Variants in PPFIBP1 observed in about 807,000 individuals in gnomAD.
The protein encoded by PPFIBP1 is PPFIB scaffold protein 1, also known as liprin-beta-1.
Under a neutral mutation model 137.8 loss-of-function variants are expected in PPFIBP1, and 112 were observed. The ratio of observed to expected loss-of-function variants is 0.81; its 90% CI spans 0.70 to 0.95. The LOEUF (loss-of-function observed/expected upper bound fraction) is 0.95. Among genes scored for constraint, PPFIBP1 ranks in the 40% least tolerant of loss-of-function variants. The pLI is 0.00. For missense variants in PPFIBP1, 1,083 were observed against 1,196.6 expected (o/e 0.91, Z 1.40); for synonymous variants, 378 against 417.3 (o/e 0.91, Z 1.15).
At chr12:27,625,164 G>T (rs532839980) in intron 2 of PPFIBP1, among the ~76,000 whole-genome samples, 1 of 152,186 alleles carries the variant, frequency 6.6e-6, no homozygotes, top group Non-Finnish European at 1.5e-5. Context: ...TGGGGGGATT[G>T]CTTGAGCCCA....
intron 2 of PPFIBP1, among the ~76,000 whole-genome samples, chr12:27,609,344 C>T (rs1388070535): frequency 6.6e-6 from 1 of 152,194 alleles, no homozygotes; most frequent in Non-Finnish European, 1.5e-5. Context: ...CTCATCTGCT[C>T]ATCTTTTCAG....
chr12:27,553,495 C>T (rs1271499667), intron 1 of PPFIBP1, among the ~76,000 whole-genome samples: 1 of 152,204 alleles, frequency 6.6e-6, no homozygotes, highest in African/African-American at 2.4e-5. Flanking sequence ...GTCCCTGGTG[C>T]TGGATGAGTT....
chr12:27,662,737 CT>C (rs532858235), intron 11 of PPFIBP1, among the ~76,000 whole-genome samples: 111 of 152,274 alleles, frequency 7.3e-4, no homozygotes, highest in African/African-American at 2.6e-3. Context: ...ATTCAATATG[CT>C]TATGGGACAT....
intron 1 of PPFIBP1, among the ~76,000 whole-genome samples, chr12:27,530,601 A>G (rs1944308022): frequency 6.6e-6 from 1 of 152,182 alleles, no homozygotes. Flanking sequence ...TGGATGCCCA[A>G]CTGATATCCA....
chr12:27,534,332 T>C (rs149969142), intron 1 of PPFIBP1, among the ~76,000 whole-genome samples: 7 of 152,206 alleles, frequency 4.6e-5, no homozygotes, highest in African/African-American at 1.7e-4. Flanking sequence ...TTGAGTAAGT[T>C]CACTGCAGGC....
chr12:27,640,539 G>C (rs1189671266), intron 4 of PPFIBP1, among the ~76,000 whole-genome samples: 1 of 152,142 alleles, frequency 6.6e-6, no homozygotes, highest in African/African-American at 2.4e-5. Context: ...GGGGACTTAG[G>C]TGTGTACCTA....
chr12:27,601,082 A>G lies in PPFIBP1; in HGVS notation c.-36+22843A>G, dbSNP rs2053935956. Among the ~76,000 whole-genome samples the G allele has an allele frequency of 3.3e-5, 5 of 152,164 alleles. No individual in the cohort carries two copies. In the South Asian group the frequency reaches 8.3e-4, roughly 25 times the overall value. On this transcript the variant is annotated intron_variant, in intron 2 of 29. Transcript: ENST00000228425. ...CCAGACTTATTCCTCTTGTCTAACT[A>G]AAACTTTGTACCTGTTGACAAACAT...
intron 1 of PPFIBP1, among the ~76,000 whole-genome samples, chr12:27,539,521 C>T (rs1945422225): frequency 2.0e-5 from 3 of 152,148 alleles, no homozygotes; most frequent in Admixed American, 6.5e-5. Flanking sequence ...ATACGTGAGA[C>T]ATGAAACGTT....
chr12:27,581,397 T>G (rs1029353310), intron 2 of PPFIBP1, among the ~76,000 whole-genome samples: 2 of 152,212 alleles, frequency 1.3e-5, no homozygotes, highest in Non-Finnish European at 2.9e-5. Context: ...CTTGTCCAGC[T>G]TCATCTCTGT....
At chr12:27,664,330 G>A in intron 11 of PPFIBP1, 32 bp from the exon 12 acceptor site, 3 of 1,387,234 alleles carry the variant, frequency 2.2e-6, no homozygotes, top group Non-Finnish European at 3.1e-6. Flanking sequence ...TAAGAACATA[G>A]GATTAAAGAT....
At chr12:27,652,849 C>G (rs1215587444) in intron 7 of PPFIBP1, among the ~76,000 whole-genome samples, 2 of 152,144 alleles carry the variant, frequency 1.3e-5, no homozygotes, top group Non-Finnish European at 2.9e-5. Context: ...GGATGATTAG[C>G]TTAGATAACT....
chr12:27,687,951 G>C (rs2061297722), intron 25 of PPFIBP1, among the ~76,000 whole-genome samples: 1 of 152,110 alleles, frequency 6.6e-6, no homozygotes, highest in South Asian at 2.1e-4. Flanking sequence ...AGGCATGGTG[G>C]GTGCACGCTG....
intron 1 of PPFIBP1, among the ~76,000 whole-genome samples, chr12:27,526,088 C>G (rs1943718360): frequency 6.6e-6 from 1 of 152,108 alleles, no homozygotes; most frequent in African/African-American, 2.4e-5. Context: ...TTCCAGTGTA[C>G]TTTTTCAGTA....
chr12:27,577,431 A>G (rs1257141343), intron 1 of PPFIBP1, among the ~76,000 whole-genome samples: 1 of 152,186 alleles, frequency 6.6e-6, no homozygotes, highest in Non-Finnish European at 1.5e-5. Flanking sequence ...ATGTATGGGA[A>G]TATCTCTGGT....
At chr12:27,629,437 T>C (rs1455671600) in intron 2 of PPFIBP1, among the ~76,000 whole-genome samples, 1 of 152,212 alleles carries the variant, frequency 6.6e-6, no homozygotes, top group Non-Finnish European at 1.5e-5. Flanking sequence ...TAAGTAATTA[T>C]TGCTCTACCT....
chr12:27,618,894 G>A (rs1418632245), intron 2 of PPFIBP1, among the ~76,000 whole-genome samples: 2 of 152,228 alleles, frequency 1.3e-5, no homozygotes, highest in Non-Finnish European at 2.9e-5. Flanking sequence ...GCTCGATCTA[G>A]TAGAGACAAC....
intron 1 of PPFIBP1, among the ~76,000 whole-genome samples, chr12:27,550,317 G>T (rs1250839463): frequency 1.3e-5 from 2 of 152,162 alleles, no homozygotes; most frequent in Admixed American, 1.3e-4. Flanking sequence ...TGTACTTAAA[G>T]CCCCTGATTT....
chr12:27,598,901 G>A (rs559679199), intron 2 of PPFIBP1, among the ~76,000 whole-genome samples: 24 of 152,254 alleles, frequency 1.6e-4, no homozygotes, highest in Admixed American at 2.6e-4. Flanking sequence ...AGTAGTATAA[G>A]CTGCCTTTTC....
chr12:27,633,345 A>C lies in PPFIBP1; in HGVS notation c.-35-17A>C. 1 of 1,553,174 alleles carries C rather than the reference A, an allele frequency of 6.4e-7. No individual in the cohort carries two copies. The highest frequency in any genetic ancestry group is 8.9e-7 in the Non-Finnish European group (1 of 1,125,584). ...ATGTCATTTAATGGATGTAATGATA[A>C]CCTTATTTTTTTTCAGATCTGGGTT... On this transcript the variant is annotated splice_polypyrimidine_tract_variant and intron_variant, in intron 2 of 29. Coordinates refer to ENST00000228425, the MANE Select transcript of PPFIBP1 (RefSeq NM_003622.4).
Sources: allele counts gnomAD v4.1 joint callset (sites outside exome capture counted in the v4.1 genomes callset), GRCh38; gene constraint gnomAD v4.1.1; transcripts MANE v1.5; gene names NCBI Gene and HGNC (gene_info 2026-07-23, HGNC 2026-07-21).